Variants in GAREM1 observed in about 807,000 individuals in gnomAD.
The protein encoded by GAREM1 is GRB2 associated regulator of MAPK1 subtype 1, also known as GRB2-associated and regulator of MAPK protein 1.
Under a neutral mutation model 71.3 loss-of-function variants are expected in GAREM1, and 26 were observed. That is an observed-to-expected ratio of 0.36 (90% CI 0.27 to 0.51). GAREM1 has a LOEUF of 0.51. Among genes scored for constraint, GAREM1 ranks in the 20% least tolerant of loss-of-function variants. The pLI is 0.95. For missense variants in GAREM1, 1,026 were observed against 1,103.1 expected (o/e 0.93, Z 0.99); for synonymous variants, 440 against 433.2 (o/e 1.02, Z -0.20).
At chr18:32,369,933 G>A (rs1350582867) in intron 2 of GAREM1, among the ~76,000 whole-genome samples, 1 of 152,172 alleles carries the variant, frequency 6.6e-6, no homozygotes, top group Non-Finnish European at 1.5e-5. Flanking sequence ...CTTCAACTGT[G>A]AGGTTTGGGG....
chr18:32,387,918 G>A (rs2048163601), intron 2 of GAREM1, among the ~76,000 whole-genome samples: 1 of 152,216 alleles, frequency 6.6e-6, no homozygotes, highest in Admixed American at 6.5e-5. Context: ...GAATGGAGCT[G>A]TGGCCTATGG....
intron 2 of GAREM1, among the ~76,000 whole-genome samples, chr18:32,370,807 C>G (rs1023726154): frequency 6.6e-6 from 1 of 151,734 alleles, no homozygotes; most frequent in Non-Finnish European, 1.5e-5. Flanking sequence ...CTAATACTAA[C>G]GTTAAGATTA....
Position 32,363,920 on chromosome 18 carries a change from A to ACACACACACACACACACACAT in GAREM1, c.262+28974_262+28975insATGTGTGTGTGTGTGTGTGTG, listed in dbSNP as rs1408632288. On this transcript the variant is annotated intron_variant, in intron 2 of 5. Coordinates refer to ENST00000269209, the MANE Select transcript of GAREM1 (RefSeq NM_001242409.2). ...CAAGGTTATACACACACACACACAT[A>ACACACACACACACACACACAT]AAAAAATATATATACACATACAAAT... Among the ~76,000 whole-genome samples the ACACACACACACACACACACAT allele has an allele frequency of 5.9e-4, 86 of 146,708 alleles. 1 individual carries two copies. The East Asian group carries it at 0.014, about 24-fold the overall frequency.
chr18:32,300,926 A>G, intron 3 of GAREM1, among the ~76,000 whole-genome samples: 1 of 150,226 alleles, frequency 6.7e-6, no homozygotes, highest in Non-Finnish European at 1.5e-5. Flanking sequence ...AAAAAAAAAA[A>G]GAAGAAGGCA....
At chr18:32,403,269 A>C (rs2048333984) in intron 1 of GAREM1, among the ~76,000 whole-genome samples, 1 of 152,132 alleles carries the variant, frequency 6.6e-6, no homozygotes, top group African/African-American at 2.4e-5. Context: ...TAAAAAATGA[A>C]AATGTAGTAC....
chr18:32,372,315 T>A (rs895615264), intron 2 of GAREM1, among the ~76,000 whole-genome samples: 10 of 152,224 alleles, frequency 6.6e-5, no homozygotes, highest in African/African-American at 2.2e-4. Context: ...TAAAAGGAAG[T>A]GTAGTTTCTC....
intron 3 of GAREM1, among the ~76,000 whole-genome samples, chr18:32,306,621 G>A (rs1271568820): frequency 2.0e-5 from 3 of 152,078 alleles, no homozygotes; most frequent in Admixed American, 6.5e-5. Flanking sequence ...GGCTTCAAAC[G>A]TCTTCCAGAA....
chr18:32,348,550 G>A (rs1598979870), intron 2 of GAREM1, among the ~76,000 whole-genome samples: 1 of 151,634 alleles, frequency 6.6e-6, no homozygotes, highest in South Asian at 2.1e-4. Context: ...ATGGTGAAAC[G>A]CCATCTCTAC....
intron 3 of GAREM1, among the ~76,000 whole-genome samples, chr18:32,291,368 T>C: frequency 7.5e-6 from 1 of 132,498 alleles, no homozygotes; most frequent in South Asian, 2.5e-4. Context: ...CAGAAAACAA[T>C]GAAACTGGTT....
intron 1 of GAREM1, among the ~76,000 whole-genome samples, chr18:32,429,748 C>A (rs1180502515): frequency 6.6e-6 from 1 of 152,196 alleles, no homozygotes; most frequent in East Asian, 1.9e-4. Context: ...AAGCACTAAT[C>A]CAACTAAAGG....
intron 2 of GAREM1, among the ~76,000 whole-genome samples, chr18:32,379,242 G>A (rs553988452): frequency 1.3e-4 from 20 of 152,082 alleles, no homozygotes; most frequent in Middle Eastern, 3.4e-3. Context: ...ACACTGCCTC[G>A]TCACCAGTTG....
Position 32,267,770 on chromosome 18 carries a change from G to T in GAREM1, c.*101C>A. 1 of 894,052 alleles carries T rather than the reference G, an allele frequency of 1.1e-6. No homozygotes were observed. 55.4% of individuals were successfully genotyped at this position (894,052 alleles called of 1,614,324 possible). A position where few individuals can be genotyped will look rare whatever the true frequency, so the allele number is the denominator to read the frequency against. ...AGAGTTTCTCTTATCCCTATTTACA[G>T]AGAAGGTTTTTAGTGCAAAAACATG... On this transcript the variant is annotated 3_prime_UTR_variant, in exon 6 of 6. Coordinates refer to ENST00000269209, the MANE Select transcript of GAREM1 (RefSeq NM_001242409.2).
Position 32,277,086 on chromosome 18 carries a change from G to A in GAREM1, c.1567-6703C>T, listed in dbSNP as rs189864809. On this transcript the variant is annotated intron_variant, in intron 4 of 5. Coordinates refer to ENST00000269209, the MANE Select transcript of GAREM1 (RefSeq NM_001242409.2). ...AGCTAGCAAGTCACTGGTGATCTTAGCAAATGAGGCGTGAGTCAAGTGAGG... is the reference window on the plus strand; with the variant it reads ...AGCTAGCAAGTCACTGGTGATCTTAACAAATGAGGCGTGAGTCAAGTGAGG... Among the ~76,000 whole-genome samples, 191 of 152,294 alleles carry A rather than the reference G, an allele frequency of 1.3e-3. 1 individual carries two copies. The highest frequency in any genetic ancestry group is 4.1e-3 in the African/African-American group (172 of 41,554).
intron 1 of GAREM1, among the ~76,000 whole-genome samples, chr18:32,400,394 G>A (rs1160354650): frequency 6.6e-6 from 1 of 152,090 alleles, no homozygotes; most frequent in Admixed American, 6.6e-5. Context: ...GCAACCTACA[G>A]AATGGGAGAA....
At chr18:32,359,798 T>C (rs1832609394) in intron 2 of GAREM1, among the ~76,000 whole-genome samples, 3 of 152,136 alleles carry the variant, frequency 2.0e-5, no homozygotes, top group African/African-American at 7.2e-5. Flanking sequence ...TGGTGGTACA[T>C]GCCTGTAGTC....
chr18:32,310,046 A>G, intron 3 of GAREM1, 147 bp downstream of exon 3: 4 of 711,432 alleles, frequency 5.6e-6, no homozygotes, highest in African/African-American at 1.8e-5. Flanking sequence ...GTCAGCTACA[A>G]TATATGTGGT....
chr18:32,425,990 A>G (rs2048570517), intron 1 of GAREM1, among the ~76,000 whole-genome samples: 1 of 151,408 alleles, frequency 6.6e-6, no homozygotes, highest in Non-Finnish European at 1.5e-5. Flanking sequence ...TCTTCTCTGA[A>G]TTTTCTCCAG....
chr18:32,326,482 A>C (rs1171476296), intron 2 of GAREM1, among the ~76,000 whole-genome samples: 1 of 152,206 alleles, frequency 6.6e-6, no homozygotes, highest in Non-Finnish European at 1.5e-5. Flanking sequence ...ACTCTTGCTA[A>C]GTCTTTTTCT....
At position 32,364,022 on chromosome 18, in the gene GAREM1, A is replaced by ATGTGTTTT. The variant is rs1236005063; in HGVS notation, c.262+28872_262+28873insAAAACACA. On this transcript the variant is annotated intron_variant, in intron 2 of 5. Transcript: ENST00000269209. The stretch of plus-strand genomic sequence containing the variant: ...TATATATATATATATATATATATAT[A>ATGTGTTTT]TATATGTTTTTTTTTTTTTTTTTTT... Among the ~76,000 whole-genome samples the ATGTGTTTT allele has an allele frequency of 3.8e-5, 2 of 52,072 alleles. 1 individual carries two copies. Among genetic ancestry groups the ATGTGTTTT allele is most frequent in the Non-Finnish European group, 6.3e-5 (2 of 31,628 alleles). The allele number at this position is 52,072 out of a possible 152,430, so 34.2% of individuals were successfully genotyped here. A position where few individuals can be genotyped will look rare whatever the true frequency, so the allele number is the denominator to read the frequency against.
Sources: gnomAD v4.1 joint callset for allele counts (sites outside exome capture counted in the v4.1 genomes callset) on GRCh38, gnomAD v4.1.1 for gene constraint, MANE v1.5 for transcripts, NCBI Gene and HGNC (gene_info 2026-07-23, HGNC 2026-07-21) for gene names.